Variants in NDUFA10 observed in about 807,000 individuals in gnomAD.
NDUFA10 encodes the protein NADH:ubiquinone oxidoreductase subunit A10.
Under a neutral mutation model 47.8 loss-of-function variants are expected in NDUFA10, and 40 were observed. The observed-to-expected ratio is 0.84, with a 90% CI of 0.65 to 1.09. The LOEUF (loss-of-function observed/expected upper bound fraction) is 1.09, where lower values mean the gene tolerates loss of function less well. Among genes scored for constraint, NDUFA10 ranks in the 50% least tolerant of loss-of-function variants. The pLI is 0.00. For missense variants in NDUFA10, 413 were observed against 451.1 expected, an observed-to-expected ratio of 0.92 and a Z score of 0.76; for synonymous variants, 183 against 172.2, an observed-to-expected ratio of 1.06 and a Z score of -0.49.
intron 4 of NDUFA10, among the ~76,000 whole-genome samples, chr2:239,910,845 GA>G (rs147200711): frequency 0.049 from 7,472 of 152,290 alleles, 571 homozygotes; most frequent in African/African-American, 0.17. Context: ...ACCATGGCAG[GA>G]AGTCCAGTAT....
chr2:239,905,879 A>G (rs1384047342), intron 4 of NDUFA10, among the ~76,000 whole-genome samples: 1 of 139,064 alleles, frequency 7.2e-6, no homozygotes, highest in Non-Finnish European at 1.6e-5. Context: ...CTGGGAGGGG[A>G]CAGGAGGGGA....
At chr2:239,930,219 C>T (rs1260922066) in intron 4 of NDUFA10, among the ~76,000 whole-genome samples, 1 of 151,204 alleles carries the variant, frequency 6.6e-6, no homozygotes, top group Non-Finnish European at 1.5e-5. Context: ...GCCCCTGCTC[C>T]TCAGCCAGCC....
Position 239,916,322 on chromosome 2 carries a change from A to G in NDUFA10, c.295-21008T>C, listed in dbSNP as rs562629492. Among the ~76,000 whole-genome samples, 3 of 151,588 alleles carry G rather than the reference A, an allele frequency of 2.0e-5. No homozygotes were observed. The South Asian group carries it at 6.3e-4, about 32-fold the overall frequency. ...AGACACACACAGACACAGATACACAAACATACACACATGCACAGAACACAC... is the reference window on the plus strand; with the variant it reads ...AGACACACACAGACACAGATACACAGACATACACACATGCACAGAACACAC... On this transcript the variant is annotated intron_variant, in intron 4 of 5. Coordinates refer to the NDUFA10 transcript ENST00000419408.
At chr2:239,973,960 ACT>A (rs988656260) in intron 9 of NDUFA10, among the ~76,000 whole-genome samples, 9 of 152,128 alleles carry the variant, frequency 5.9e-5, no homozygotes, top group African/African-American at 2.2e-4. Context: ...ATGGAGTCTC[ACT>A]CTGTTGCCCA....
chr2:240,008,970 G>A (rs1479155262), intron 6 of NDUFA10, among the ~76,000 whole-genome samples: 3 of 152,230 alleles, frequency 2.0e-5, no homozygotes, highest in Admixed American at 6.5e-5. Context: ...CCTAAAATAA[G>A]AAGGTATCAA....
intron 8 of NDUFA10, 93 bp from the exon 9 acceptor site, chr2:239,990,275 A>C (rs1333657022): frequency 2.1e-6 from 2 of 944,148 alleles, no homozygotes; most frequent in African/African-American, 3.3e-5. Flanking sequence ...CATCCATATA[A>C]AAAATCTATA....
chr2:239,986,673 G>C (rs985016698), intron 9 of NDUFA10, among the ~76,000 whole-genome samples: 6 of 152,180 alleles, frequency 3.9e-5, no homozygotes, highest in Admixed American at 3.3e-4. Context: ...TGGTCATACA[G>C]AAAGAACGAT....
In NDUFA10 at chr2:239,962,210, T is replaced by TACACACACAC. The variant is rs59356951; in HGVS notation, c.1000-1034_1000-1025dup. On this transcript the variant is annotated intron_variant, in intron 9 of 9. Transcript: ENST00000252711. ...AGCATGGGCACACAGTCAATTTGTG[T>TACACACACAC]ACACACACACACACACACACACACA... is the stretch of plus-strand genomic sequence containing the variant. 2.9e-3 allele frequency among the ~76,000 whole-genome samples: 438 copies of TACACACACAC among 149,656 alleles called. 2 individuals are homozygous for TACACACACAC. The highest frequency in any genetic ancestry group is 6.9e-3 in the Middle Eastern group (2 of 290).
chr2:239,981,486 A>G (rs528491275), intron 9 of NDUFA10, among the ~76,000 whole-genome samples: 1 of 152,392 alleles, frequency 6.6e-6, no homozygotes, highest in African/African-American at 2.4e-5. Flanking sequence ...AGATGCAAAT[A>G]GCACTGGCAT....
chr2:239,901,200 C>T (rs922561205), intron 4 of NDUFA10, among the ~76,000 whole-genome samples: 5 of 152,138 alleles, frequency 3.3e-5, no homozygotes, highest in African/African-American at 9.7e-5. Context: ...TTGACTCCGC[C>T]ATGCTCTACA....
At position 239,990,083 on chromosome 2, in the gene NDUFA10, C is replaced by T; in HGVS notation, c.990G>A (p.Gln330=). Residue 330 remains glutamine, a synonymous_variant, in exon 9 of 10, where the codon CAG becomes CAA. Coordinates refer to ENST00000252711, the MANE Select transcript of NDUFA10 (RefSeq NM_004544.4). ...GAHQTDRVLH[Q]FRELPGRKYS... ...ATTTCCACAGTCTTACCTCTCTGAA[C>T]TGATGTAAGACACGGTCAGTCTGAT... is the stretch of plus-strand genomic sequence containing the variant. 6.2e-7 allele frequency: 1 copy of T among 1,606,556 alleles called. No homozygotes were observed. Among genetic ancestry groups the T allele is most frequent in the Non-Finnish European group, 8.5e-7 (1 of 1,173,112 alleles).
chr2:240,007,547 T>C (rs946273341), intron 6 of NDUFA10, among the ~76,000 whole-genome samples, 177 bp from the exon 7 acceptor site: 1 of 152,168 alleles, frequency 6.6e-6, no homozygotes, highest in Non-Finnish European at 1.5e-5. Context: ...CAGGAGGACA[T>C]GTTAAAAGCC....
chr2:239,893,167 C>T (rs1438332034), intron 5 of NDUFA10, among the ~76,000 whole-genome samples: 2 of 152,166 alleles, frequency 1.3e-5, no homozygotes, highest in Non-Finnish European at 2.9e-5. Flanking sequence ...CAAAAGGAAG[C>T]CAGGGCAGGG....
At chr2:239,978,780 T>C (rs562656481) in intron 9 of NDUFA10, among the ~76,000 whole-genome samples, 1 of 152,286 alleles carries the variant, frequency 6.6e-6, no homozygotes, top group East Asian at 1.9e-4. Flanking sequence ...TTGGAACCAT[T>C]TGATGAAGGT....
chr2:239,917,397 T>C (rs958556696), intron 4 of NDUFA10, among the ~76,000 whole-genome samples: 1 of 152,150 alleles, frequency 6.6e-6, no homozygotes, highest in Non-Finnish European at 1.5e-5. Flanking sequence ...TCCTGTCTCT[T>C]ATGGTATGAG....
intron 4 of NDUFA10, among the ~76,000 whole-genome samples, chr2:239,924,883 C>T (rs1396936338): frequency 1.3e-5 from 2 of 152,012 alleles, no homozygotes; most frequent in Non-Finnish European, 2.9e-5. Flanking sequence ...GAACAACACA[C>T]GTAAAAATTA....
chr2:239,893,949 G>A (rs1213655091), intron 5 of NDUFA10, among the ~76,000 whole-genome samples: 1 of 138,484 alleles, frequency 7.2e-6, no homozygotes, highest in East Asian at 2.1e-4. Context: ...CCTGCCTCCC[G>A]TCCTCAGCTC....
chr2:239,976,308 C>T (rs1695517319), intron 9 of NDUFA10, among the ~76,000 whole-genome samples: 1 of 152,168 alleles, frequency 6.6e-6, no homozygotes. Flanking sequence ...TGTGCGATCT[C>T]GCCCCACTCG....
rs551418606 is a variant in NDUFA10 at position 239,907,199 on chromosome 2, T to C, written c.295-11885A>G. Reference sequence around the variant, plus strand: ...AATAAATGGTGCTGGGAAAACTGGCTAGCCATATGTAGAAAGCTGAAACTG... The same window carrying C: ...AATAAATGGTGCTGGGAAAACTGGCCAGCCATATGTAGAAAGCTGAAACTG... On this transcript the variant is annotated intron_variant, in intron 4 of 5. Transcript: ENST00000419408. Among the ~76,000 whole-genome samples, 32 of 152,356 alleles carry C rather than the reference T, an allele frequency of 2.1e-4. No individual in the cohort carries two copies. The South Asian group carries it at 6.2e-3, about 30-fold the overall frequency.
Sources: allele counts gnomAD v4.1 joint callset (sites outside exome capture counted in the v4.1 genomes callset), GRCh38; gene constraint gnomAD v4.1.1; transcripts MANE v1.5; gene names NCBI Gene and HGNC (gene_info 2026-07-23, HGNC 2026-07-21).